The following SERPINA11 variants were observed in gnomAD, a reference collection of about 807,000 sequenced individuals.
SERPINA11 encodes serpin family A member 11.
In SERPINA11, 28 loss-of-function variants were observed where a neutral mutation model predicts 29.4. That is an observed-to-expected ratio of 0.95 (90% CI 0.70 to 1.30). The LOEUF (loss-of-function observed/expected upper bound fraction) is 1.30. Among genes scored for constraint, SERPINA11 ranks in the 50% most tolerant of loss-of-function variants. The pLI, the probability that SERPINA11 is intolerant of heterozygous loss-of-function variation, is 0.00. For missense variants in SERPINA11, 530 were observed against 507.3 expected (o/e 1.04, Z -0.43); for synonymous variants, 253 against 206.6 (o/e 1.22, Z -1.92).
intron 1 of SERPINA11, 81 bp downstream of exon 1, chr14:94,452,648 C>CACACACACACACACACACAG (rs1231099390): frequency 1.4e-5 from 2 of 144,042 alleles, no homozygotes; most frequent in Admixed American, 7.0e-5. Context: ...CACACACACA[C>CACACACACACACACACACAG]AGAGACAGAG....
At position 94,443,211 on chromosome 14, in the gene SERPINA11, T is replaced by G; in HGVS notation, c.932A>C (p.His311Pro). 1 of 1,613,566 alleles carries G rather than the reference T, an allele frequency of 6.2e-7. No homozygotes were observed. Among genetic ancestry groups the G allele is most frequent in the Non-Finnish European group, 8.5e-7 (1 of 1,179,740 alleles). The change falls in exon 4 of 5, where the codon CAC (histidine) becomes CCC (proline). Residue 311 changes from histidine (H) to proline (P), a missense_variant. His to Pro is a moderately conservative substitution (Grantham distance 77). Transcript: ENST00000334708. The stretch of plus-strand genomic sequence containing the variant: ...TCCAGAAATTGAAAACCTTGGCAAG[T>G]GCAAATCCAACAGACTGGAGAGAGA... Reference protein sequence around the residue: ...QLLLPSLLDLHLPRFSISGTY... With the variant: ...QLLLPSLLDLPLPRFSISGTY...
At position 94,448,297 on chromosome 14, in the gene SERPINA11, G is replaced by A. The variant is rs76289690; in HGVS notation, c.478C>T (p.Leu160Phe). 651 of 1,614,234 alleles carry A rather than the reference G, an allele frequency of 4.0e-4. 1 individual carries two copies. The highest frequency in any genetic ancestry group is 1.8e-4 in the Non-Finnish European group (218 of 1,180,046). The change falls in exon 2 of 5, where the codon CTT becomes TTT. Residue 160 changes from leucine (L) to phenylalanine (F), a missense_variant. Leu to Phe is a conservative substitution (Grantham distance 22). Transcript: ENST00000334708. ...GCAGAAAAAGCAAAAGCTCCATAAA[G>A]CTCCTTGATGCTGTCCAAATAGTGC... ...RQHYLDSIKE[L>F]YGAFAFSANF... is the part of the protein sequence containing the mutation.
intron 3 of SERPINA11, among the ~76,000 whole-genome samples, chr14:94,445,695 T>G (rs911320): frequency 0.82 from 125,324 of 151,938 alleles, 51,812 homozygotes; most frequent in South Asian, 0.85. Flanking sequence ...CATCCTCCCA[T>G]GTAGTTGGGA....
At chr14:94,449,454 TTTCTTTCTTTCTTTCTTTC>T (rs1898533681) in intron 1 of SERPINA11, among the ~76,000 whole-genome samples, 1 of 116,826 alleles carries the variant, frequency 8.6e-6, no homozygotes, top group Non-Finnish European at 1.6e-5. Context: ...TCTTTCTTTC[TTTCTTTCTTTCTTTCTTTC>T]TTTCTTTCTG....
chr14:94,449,481 CTGTCTGTCTG>C lies in SERPINA11; in HGVS notation c.-3-714_-3-705del, dbSNP rs1566784765. Among the ~76,000 whole-genome samples the C allele has an allele frequency of 8.2e-3, 613 of 74,974 alleles. 16 individuals carry two copies. The highest frequency in any genetic ancestry group is 0.047 in the East Asian group (112 of 2,402). The allele number at this position is 74,974 out of a possible 152,430, so 49.2% of individuals were successfully genotyped here. The stretch of plus-strand genomic sequence containing the variant: ...TCTTTCTTTCTTTCTTTCTTTCTTT[CTGTCTGTCTG>C]TCTTTCTTTCTCTTTCTTTTTCTTT... On this transcript the variant is annotated intron_variant, in intron 1 of 4. Coordinates refer to ENST00000334708, the MANE Select transcript of SERPINA11 (RefSeq NM_001080451.2).
chr14:94,442,875 C>G, intron 4 of SERPINA11, 66 bp from the exon 5 acceptor site: 1 of 1,414,810 alleles, frequency 7.1e-7, no homozygotes, highest in Non-Finnish European at 9.6e-7. Context: ...ACACTGTATT[C>G]CTGCCATGAA....
Position 94,446,608 on chromosome 14 carries a change from A to C in SERPINA11, c.644-4T>G. 6.2e-7 allele frequency: 1 copy of C among 1,611,536 alleles called. No homozygotes were observed. Among genetic ancestry groups the C allele is most frequent in the Non-Finnish European group, 8.5e-7 (1 of 1,178,854 alleles). ...CTGAAAGGGTGCTTCCACTTGGCTT[A>C]GGACACAAAACCCATAAGGCCATGA... On this transcript the variant is annotated splice_polypyrimidine_tract_variant and splice_region_variant and intron_variant, in intron 2 of 4. Transcript: ENST00000334708.
Position 94,442,518 on chromosome 14 carries a change from C to T in SERPINA11, c.*88G>A, listed in dbSNP as rs1345560544. ...AATCTTGGCACACTGATTAACTGAA[C>T]CACATAGCAGCCCCAGGATGCAGGC... On this transcript the variant is annotated 3_prime_UTR_variant, in exon 5 of 5. Coordinates refer to ENST00000334708, the MANE Select transcript of SERPINA11 (RefSeq NM_001080451.2). The T allele has an allele frequency of 1.1e-6, 1 of 932,518 alleles. No individual in the cohort carries two copies. Among genetic ancestry groups the T allele is most frequent in the Non-Finnish European group, 1.6e-6 (1 of 616,280 alleles). 57.8% of individuals were successfully genotyped at this position (932,518 alleles called of 1,614,324 possible).
intron 1 of SERPINA11, among the ~76,000 whole-genome samples, chr14:94,449,460 T>A: frequency 8.5e-6 from 1 of 118,006 alleles, no homozygotes; most frequent in Non-Finnish European, 1.6e-5. Flanking sequence ...TTTCTTTCTT[T>A]CTTTCTTTCT....
rs1158130670 is a variant in SERPINA11 at position 94,449,509 on chromosome 14, TTTTC to T, written c.-3-736_-3-733del. Among the ~76,000 whole-genome samples the T allele has an allele frequency of 2.4e-4, 31 of 128,230 alleles. 1 individual carries two copies. The East Asian group carries it at 3.5e-3, about 14-fold the overall frequency. 84.1% of individuals were successfully genotyped at this position (128,230 alleles called of 152,430 possible). Reference sequence around the variant, plus strand: ...TCTGTCTGTCTTTCTTTCTCTTTCTTTTTCTTTCTTTCTTTCTTTTTCTTTCTTT... The same window carrying T: ...TCTGTCTGTCTTTCTTTCTCTTTCTTTTTCTTTCTTTCTTTTTCTTTCTTT... On this transcript the variant is annotated intron_variant, in intron 1 of 4. Coordinates refer to ENST00000334708, the MANE Select transcript of SERPINA11 (RefSeq NM_001080451.2).
Position 94,448,760 on chromosome 14 carries a change from C to T in SERPINA11, c.15G>A (p.Trp5Ter), listed in dbSNP as rs761903516. The T allele has an allele frequency of 1.3e-6, 2 of 1,509,904 alleles. No individual in the cohort carries two copies. Among genetic ancestry groups the T allele is most frequent in the African/African-American group, 1.4e-5 (1 of 71,514 alleles). 93.5% of individuals were successfully genotyped at this position (1,509,904 alleles called of 1,614,324 possible). MGPA[W>*]LWLLGTGILA... ...GGATCCCTGTTCCCAGTAGCCAAAGCCAAGCTGGACCCATTCTCTGAAAAC... is the reference window on the plus strand; with the variant it reads ...GGATCCCTGTTCCCAGTAGCCAAAGTCAAGCTGGACCCATTCTCTGAAAAC... The change falls in exon 2 of 5, where the codon TGG becomes TGA. Residue 5 changes from tryptophan (W) to a stop codon, truncating the protein, a stop_gained. Transcript: ENST00000334708. LOFTEE classifies it high-confidence loss of function.
intron 2 of SERPINA11, among the ~76,000 whole-genome samples, chr14:94,446,967 T>A (rs11847429): frequency 0.028 from 4,268 of 152,302 alleles, 186 homozygotes; most frequent in African/African-American, 0.094. Context: ...AAACTGAGTC[T>A]TTGTGAATTT....
intron 1 of SERPINA11, 138 bp from the exon 2 acceptor site, chr14:94,448,915 G>T: frequency 2.9e-6 from 2 of 694,628 alleles, no homozygotes; most frequent in African/African-American, 1.8e-5. Context: ...CAAGGCTGTG[G>T]ATGATTAGGA....
In SERPINA11 at chr14:94,448,390, G is replaced by C; in HGVS notation, c.385C>G (p.Pro129Ala). 1 of 1,614,198 alleles carries C rather than the reference G, an allele frequency of 6.2e-7. No individual in the cohort carries two copies. The highest frequency in any genetic ancestry group is 2.2e-5 in the East Asian group (1 of 44,888). The change falls in exon 2 of 5, where the codon CCC becomes GCC. Residue 129 changes from proline to alanine, a missense_variant. Pro to Ala is a conservative substitution (Grantham distance 27, BLOSUM62 -1). Coordinates refer to ENST00000334708, the MANE Select transcript of SERPINA11 (RefSeq NM_001080451.2). ...FRSLLHTLAL[P>A]SPKLELKVGN... Reference sequence around the variant, plus strand: ...ACTTTTAGTTCGAGTTTGGGGCTGGGCAGGGCAAGGGTGTGGAGGAGGCTC... The same window carrying C: ...ACTTTTAGTTCGAGTTTGGGGCTGGCCAGGGCAAGGGTGTGGAGGAGGCTC...
Position 94,448,348 on chromosome 14 carries a change from G to A in SERPINA11, c.427C>T (p.Leu143=), listed in dbSNP as rs773826859. The A allele has an allele frequency of 5.0e-6, 8 of 1,614,102 alleles. No homozygotes were observed. The highest frequency in any genetic ancestry group is 5.9e-6 in the Non-Finnish European group (7 of 1,180,044). The change falls in exon 2 of 5, where the codon CTA becomes TTA. Residue 143 remains leucine, a synonymous_variant. Coordinates refer to ENST00000334708, the MANE Select transcript of SERPINA11 (RefSeq NM_001080451.2). ...LELKVGNSLF[L]DKRLKPRQHY... ...TGCCGAGGCTTTAGTCGCTTGTCTA[G>A]GAACAGGGAGTTTCCTACTTTTAGT...
intron 2 of SERPINA11, 130 bp from the exon 3 acceptor site, chr14:94,446,734 C>G: frequency 2.3e-6 from 2 of 852,272 alleles, no homozygotes; most frequent in Non-Finnish European, 1.8e-6. Flanking sequence ...GGTTACAGAG[C>G]CAGGAGACCA....
chr14:94,442,686 G>C lies in SERPINA11; in HGVS notation c.1189C>G (p.Pro397Ala), dbSNP rs752348602. 3 of 1,613,330 alleles carry C rather than the reference G, an allele frequency of 1.9e-6. No homozygotes were observed. Among genetic ancestry groups the C allele is most frequent in the South Asian group, 2.2e-5 (2 of 90,828 alleles). Residue 397 changes from proline to alanine, a missense_variant, in exon 5 of 5, where the codon CCT becomes GCT. By Grantham distance (27) the Pro-to-Ala change is conservative. Transcript: ENST00000334708. ...MSDPHAHFNR[P>A]FLLLLWEVTT... ...ACCTCCCAAAGGAGCAAGAGGAAAG[G>C]CCTGTTGAAGTGGGCATGTGGGTCT... is the stretch of plus-strand genomic sequence containing the variant.
Position 94,443,203 on chromosome 14 carries a change from T to C in SERPINA11, c.940A>G (p.Arg314Gly), listed in dbSNP as rs781269751. 1 of 1,613,776 alleles carries C rather than the reference T, an allele frequency of 6.2e-7. No individual in the cohort carries two copies. The highest frequency in any genetic ancestry group is 1.1e-5 in the South Asian group (1 of 90,980). The part of the protein sequence containing the change: ...LPSLLDLHLP[R>G]FSISGTYNLE... ...TTATATGTTCCAGAAATTGAAAACCTTGGCAAGTGCAAATCCAACAGACTG... is the reference window on the plus strand; with the variant it reads ...TTATATGTTCCAGAAATTGAAAACCCTGGCAAGTGCAAATCCAACAGACTG... The change falls in exon 4 of 5, where the codon AGG (arginine) becomes GGG (glycine). Residue 314 changes from arginine (R) to glycine (G), a missense_variant. Arg to Gly is a moderately radical substitution (Grantham distance 125). Coordinates refer to ENST00000334708, the MANE Select transcript of SERPINA11 (RefSeq NM_001080451.2).
chr14:94,447,504 A>G (rs1185250925), intron 2 of SERPINA11, among the ~76,000 whole-genome samples: 6 of 152,060 alleles, frequency 3.9e-5, no homozygotes, highest in South Asian at 2.1e-4. Context: ...CTTCCAAACC[A>G]CCTTCCAAAT....
Sources: allele counts gnomAD v4.1 joint callset (sites outside exome capture counted in the v4.1 genomes callset), GRCh38; gene constraint gnomAD v4.1.1; transcripts MANE v1.5; gene names NCBI Gene and HGNC (gene_info 2026-07-23, HGNC 2026-07-21).